The following FAM163A variants were observed in gnomAD, a reference collection of about 807,000 sequenced individuals.
FAM163A encodes the protein family with sequence similarity 163 member A, also known as protein FAM163A.
A neutral mutation model predicts 12.0 loss-of-function variants in FAM163A; 7 were observed. That is an observed-to-expected ratio of 0.58 (90% CI 0.33 to 1.10). FAM163A has a LOEUF of 1.10. FAM163A is among the 50% of genes least tolerant of loss of function. FAM163A has a pLI of 0.03. For missense variants in FAM163A, 202 were observed against 218.6 expected (o/e 0.92, Z 0.48); for synonymous variants, 101 against 91.0 (o/e 1.11, Z -0.62).
intron 1 of FAM163A, among the ~76,000 whole-genome samples, chr1:179,772,361 C>T (rs1688393990): frequency 6.6e-6 from 1 of 152,326 alleles, no homozygotes; most frequent in Non-Finnish European, 1.5e-5. Context: ...GTTACCTCCC[C>T]AGTCCTCCAG....
the FAM163A span, among the ~76,000 whole-genome samples, chr1:179,735,694 G>C: frequency 6.7e-6 from 1 of 150,344 alleles, no homozygotes; most frequent in African/African-American, 2.5e-5. Context: ...TAGTAGAGAC[G>C]GGGTTTCACC....
In FAM163A at chr1:179,750,215, A is replaced by G. The variant is rs149978092; in HGVS notation, c.-136+6792A>G. 4.6e-5 allele frequency among the ~76,000 whole-genome samples: 7 copies of G among 152,336 alleles called. No homozygotes were observed. In the East Asian group the frequency reaches 1.3e-3, roughly 29 times the overall value. On this transcript the variant is annotated intron_variant, in intron 1 of 4. Transcript: ENST00000341785. ...TGTCAGCAAGTGTTTACTGAATGTC[A>G]CTGGAGATACAATGTTGGAGGCAGG... is the stretch of plus-strand genomic sequence containing the variant.
intron 2 of FAM163A, among the ~76,000 whole-genome samples, chr1:179,810,195 A>G (rs914963366): frequency 2.9e-4 from 44 of 152,306 alleles, no homozygotes; most frequent in African/African-American, 1.0e-3. Context: ...TCCCACATGA[A>G]AAGTTGACTC....
chr1:179,747,597 G>A (rs747013902), intron 1 of FAM163A, among the ~76,000 whole-genome samples: 1 of 152,146 alleles, frequency 6.6e-6, no homozygotes, highest in Non-Finnish European at 1.5e-5. Context: ...TCTTTATCTC[G>A]GGTATATGTG....
intron 1 of FAM163A, among the ~76,000 whole-genome samples, chr1:179,785,695 T>C (rs888114200): frequency 2.0e-5 from 3 of 152,262 alleles, no homozygotes; most frequent in Admixed American, 6.5e-5. Flanking sequence ...CACTTTAGGA[T>C]ATATTATTCC....
intron 1 of FAM163A, among the ~76,000 whole-genome samples, chr1:179,775,917 A>G (rs1269091907): frequency 6.6e-6 from 1 of 152,190 alleles, no homozygotes; most frequent in East Asian, 1.9e-4. Flanking sequence ...AATATTCCCC[A>G]GGGTCCTTGG....
At chr1:179,759,099 T>C (rs1406432629) in intron 1 of FAM163A, among the ~76,000 whole-genome samples, 1 of 152,202 alleles carries the variant, frequency 6.6e-6, no homozygotes, top group East Asian at 1.9e-4. Flanking sequence ...GAGTAGGGTT[T>C]CTCAATCTTG....
intron 1 of FAM163A, among the ~76,000 whole-genome samples, chr1:179,787,655 C>T (rs915732712): frequency 3.3e-5 from 5 of 152,212 alleles, no homozygotes; most frequent in Admixed American, 6.5e-5. Context: ...CCCAAAGTGC[C>T]AGCCTTTCTC....
At chr1:179,813,236 A>G (rs779113912) in intron 4 of FAM163A, 46 bp downstream of exon 4, 3 of 1,527,936 alleles carry the variant, frequency 2.0e-6, no homozygotes, top group Non-Finnish European at 2.7e-6. Flanking sequence ...GCCACCAGCA[A>G]ACCTCTTTTT....
intron 1 of FAM163A, among the ~76,000 whole-genome samples, chr1:179,751,819 C>A (rs530906909): frequency 5.5e-4 from 84 of 152,218 alleles, no homozygotes; most frequent in African/African-American, 1.9e-3. Context: ...AAGACATAAA[C>A]AAATGGAAAG....
chr1:179,733,069 A>G, the FAM163A span, among the ~76,000 whole-genome samples: 2 of 152,064 alleles, frequency 1.3e-5, no homozygotes, highest in Non-Finnish European at 2.9e-5. Context: ...TATGAAGCAC[A>G]TACCGAGGCG....
intron 2 of FAM163A, among the ~76,000 whole-genome samples, chr1:179,809,251 C>T (rs377484498): frequency 5.9e-5 from 9 of 152,192 alleles, no homozygotes; most frequent in African/African-American, 2.2e-4. Flanking sequence ...TGTCGAGGCC[C>T]CCCAAAACCA....
intron 1 of FAM163A, among the ~76,000 whole-genome samples, chr1:179,759,258 C>T (rs1003306403): frequency 2.0e-5 from 3 of 152,150 alleles, no homozygotes; most frequent in East Asian, 1.9e-4. Context: ...TCAGACATTG[C>T]CAATTGTGCC....
chr1:179,753,089 G>C (rs1430465974), intron 1 of FAM163A, among the ~76,000 whole-genome samples: 1 of 152,164 alleles, frequency 6.6e-6, no homozygotes, highest in East Asian at 1.9e-4. Flanking sequence ...TCCATGCATA[G>C]TGGATTTAAT....
chr1:179,741,636 T>A (rs1447108071), upstream of FAM163A, among the ~76,000 whole-genome samples: 1 of 152,248 alleles, frequency 6.6e-6, no homozygotes, highest in Non-Finnish European at 1.5e-5. Context: ...CAAAAGTAGA[T>A]GACTCTTACA....
chr1:179,811,304 G>A (rs1360640912), intron 2 of FAM163A, among the ~76,000 whole-genome samples: 4 of 152,178 alleles, frequency 2.6e-5, no homozygotes, highest in Non-Finnish European at 5.9e-5. Flanking sequence ...ACAAAACTGG[G>A]AAGGTTTGTT....
chr1:179,812,636 G>C (rs893672210), intron 3 of FAM163A, among the ~76,000 whole-genome samples: 4 of 152,196 alleles, frequency 2.6e-5, no homozygotes, highest in Non-Finnish European at 4.4e-5. Flanking sequence ...GCCCCGTTCA[G>C]CATGCGTGCG....
chr1:179,768,460 C>A (rs928888894), intron 1 of FAM163A, among the ~76,000 whole-genome samples: 2 of 152,204 alleles, frequency 1.3e-5, no homozygotes, highest in Non-Finnish European at 2.9e-5. Flanking sequence ...TCTGGTCTAA[C>A]ATGGTGTTAG....
intron 1 of FAM163A, among the ~76,000 whole-genome samples, chr1:179,782,374 A>G (rs114645247): frequency 0.024 from 3,585 of 151,998 alleles, 150 homozygotes; most frequent in African/African-American, 0.082. Flanking sequence ...GAAGGGGAGA[A>G]GGGGACCAGA....
Sources: gnomAD v4.1 joint callset for allele counts (sites outside exome capture counted in the v4.1 genomes callset) on GRCh38, gnomAD v4.1.1 for gene constraint, MANE v1.5 for transcripts, NCBI Gene and HGNC (gene_info 2026-07-23, HGNC 2026-07-21) for gene names.